Variants in SLFN5 observed in about 807,000 individuals in gnomAD.
The protein encoded by SLFN5 is schlafen family member 5.
Under a neutral mutation model 48.5 loss-of-function variants are expected in SLFN5, and 34 were observed. The observed-to-expected ratio is 0.70, with a 90% CI of 0.53 to 0.93. The LOEUF (loss-of-function observed/expected upper bound fraction) is 0.93. SLFN5 is among the 40% of genes least tolerant of loss of function. The pLI is 0.00. For missense variants in SLFN5, 1,006 were observed against 1,071.3 expected, an observed-to-expected ratio of 0.94 and a Z score of 0.85; for synonymous variants, 387 against 396.2, an observed-to-expected ratio of 0.98 and a Z score of 0.28.
Position 35,266,056 on chromosome 17 carries a change from C to T in SLFN5, c.*168C>T. The T allele has an allele frequency of 1.5e-6, 1 of 683,776 alleles. No individual in the cohort carries two copies. Among genetic ancestry groups the T allele is most frequent in the Non-Finnish European group, 2.4e-6 (1 of 423,398 alleles). 42.4% of individuals were successfully genotyped at this position (683,776 alleles called of 1,614,324 possible). ...TAAGATTCCTCCTTTAGGGCAGAGACAGACCACTGACAAATACACAGATAG... is the reference window on the plus strand; with the variant it reads ...TAAGATTCCTCCTTTAGGGCAGAGATAGACCACTGACAAATACACAGATAG... On this transcript the variant is annotated 3_prime_UTR_variant, in exon 5 of 5. Coordinates refer to ENST00000299977, the MANE Select transcript of SLFN5 (RefSeq NM_144975.4).
chr17:35,253,359 ACTCT>A (rs57385773), intron 1 of SLFN5, among the ~76,000 whole-genome samples: 1 of 149,934 alleles, frequency 6.7e-6, no homozygotes, highest in African/African-American at 2.5e-5. Context: ...ACTGTATAGC[ACTCT>A]CTCTCTCTCT....
rs745817019 is a variant in SLFN5, at chr17:35,265,299, TC to T, written c.2093del (p.Pro698LeufsTer21). The T allele has an allele frequency of 1.2e-6, 2 of 1,613,868 alleles. No homozygotes were observed. The highest frequency in any genetic ancestry group is 8.5e-7 in the Non-Finnish European group (1 of 1,179,964). ...ACCTATCACTTGAGTTGCAGTGGCC[TC>T]CCCCCTCCCTCAGACCAGTATCCAA... is the stretch of plus-strand genomic sequence containing the variant. ...FQTYHLSCSG[L>X]PPPSDQYPRE... is the part of the protein sequence containing the mutation. On this transcript the variant is annotated frameshift_variant, in exon 5 of 5. Transcript: ENST00000299977. LOFTEE classifies it low-confidence loss of function (END_TRUNC).
intron 1 of SLFN5, among the ~76,000 whole-genome samples, chr17:35,255,672 T>C (rs2092452471): frequency 6.6e-6 from 1 of 152,206 alleles, no homozygotes; most frequent in Non-Finnish European, 1.5e-5. Context: ...ACTCATTTCA[T>C]TTTGGGATAA....
chr17:35,244,240 A>G (rs1342809715), intron 1 of SLFN5, among the ~76,000 whole-genome samples: 1 of 152,124 alleles, frequency 6.6e-6, no homozygotes, highest in Non-Finnish European at 1.5e-5. Flanking sequence ...GCCTCATCGG[A>G]ATTTTCATGG....
rs149681835 is a variant in SLFN5 at position 35,264,424 on chromosome 17, T to A, written c.1380T>A (p.Asp460Glu). 540 of 1,614,190 alleles carry A rather than the reference T, an allele frequency of 3.3e-4. 1 individual carries two copies. The highest frequency in any genetic ancestry group is 4.9e-4 in the Middle Eastern group (3 of 6,062). Residue 460 changes from aspartate (D) to glutamate (E), a missense_variant, in exon 4 of 5, where the codon GAT becomes GAA. Asp to Glu is a conservative substitution (Grantham distance 45). Transcript: ENST00000299977. Reference sequence around the variant, plus strand: ...TCTACACCATCTTCAGCAAGTGGGATGCGGGGTGCAAGGGCTATTCTATGA... The same window carrying A: ...TCTACACCATCTTCAGCAAGTGGGAAGCGGGGTGCAAGGGCTATTCTATGA... ...PILYTIFSKW[D>E]AGCKGYSMIV...
Position 35,264,293 on chromosome 17 carries a change from G to A in SLFN5, c.1249G>A (p.Gly417Arg), listed in dbSNP as rs1904608600. The change falls in exon 4 of 5, where the codon GGA becomes AGA. Residue 417 changes from glycine to arginine, a missense_variant. Gly to Arg is a moderately radical substitution (Grantham distance 125). Transcript: ENST00000299977. Reference protein sequence around the residue: ...INTEMRPFSQGILIFSQSWAV... With the variant: ...INTEMRPFSQRILIFSQSWAV... ...TACAGAAATGCGCCCTTTCTCTCAAGGAATATTGATTTTTTCTCAAAGCTG... is the reference window on the plus strand; with the variant it reads ...TACAGAAATGCGCCCTTTCTCTCAAAGAATATTGATTTTTTCTCAAAGCTG... 1 of 1,613,988 alleles carries A rather than the reference G, an allele frequency of 6.2e-7. No homozygotes were observed. The highest frequency in any genetic ancestry group is 1.1e-5 in the South Asian group (1 of 91,086).
At chr17:35,259,772 G>A in intron 2 of SLFN5, 70 bp downstream of exon 2, 1 of 1,525,616 alleles carries the variant, frequency 6.6e-7, no homozygotes, top group Non-Finnish European at 8.8e-7. Context: ...AGAGAGGAAA[G>A]AGGGATATGG....
intron 1 of SLFN5, among the ~76,000 whole-genome samples, chr17:35,248,403 AAAC>A (rs1031742435): frequency 3.9e-5 from 6 of 152,172 alleles, no homozygotes; most frequent in Non-Finnish European, 7.3e-5. Context: ...TGACACACTT[AAAC>A]AACAACAAAC....
intron 1 of SLFN5, among the ~76,000 whole-genome samples, chr17:35,251,020 G>A (rs953308708): frequency 6.6e-6 from 1 of 152,142 alleles, no homozygotes; most frequent in African/African-American, 2.4e-5. Flanking sequence ...TGAAATTGGA[G>A]CACCTCTTTA....
At position 35,272,072 on chromosome 17, in the gene SLFN5, T is replaced by C. The variant is rs1442399638; in HGVS notation, c.*6184T>C. 1.3e-5 allele frequency: 2 copies of C among 151,648 alleles called. No individual in the cohort carries two copies. Among genetic ancestry groups the C allele is most frequent in the Non-Finnish European group, 1.5e-5 (1 of 67,930 alleles). 9.4% of individuals were successfully genotyped at this position (151,648 alleles called of 1,614,324 possible). ...TATTGGAAACTACGAGGCAAGAATA[T>C]CCAAGAAAAATCTAGAAAAGAAGAA... On this transcript the variant is annotated 3_prime_UTR_variant, in exon 5 of 5. Transcript: ENST00000299977.
At chr17:35,255,010 C>G (rs2092451095) in intron 1 of SLFN5, among the ~76,000 whole-genome samples, 1 of 152,070 alleles carries the variant, frequency 6.6e-6, no homozygotes, top group African/African-American at 2.4e-5. Flanking sequence ...GAGCGAGGCT[C>G]TGTCTCAAAA....
At chr17:35,256,317 C>A (rs546308639) in intron 1 of SLFN5, among the ~76,000 whole-genome samples, 1 of 152,272 alleles carries the variant, frequency 6.6e-6, no homozygotes, top group East Asian at 1.9e-4. Flanking sequence ...CGAGATCACA[C>A]CACTGCACTC....
At chr17:35,260,064 T>A (rs1229932735) in intron 2 of SLFN5, among the ~76,000 whole-genome samples, 2 of 152,366 alleles carry the variant, frequency 1.3e-5, no homozygotes, top group East Asian at 1.9e-4. Flanking sequence ...AATTTCTTTT[T>A]TTCACATGTA....
intron 1 of SLFN5, among the ~76,000 whole-genome samples, chr17:35,245,626 G>A (rs2092428876): frequency 6.6e-6 from 1 of 152,186 alleles, no homozygotes; most frequent in African/African-American, 2.4e-5. Flanking sequence ...CAGCATCATT[G>A]TTTTCAGATT....
intron 1 of SLFN5, among the ~76,000 whole-genome samples, chr17:35,253,130 C>T: frequency 6.6e-6 from 1 of 151,980 alleles, no homozygotes; most frequent in East Asian, 1.9e-4. Context: ...GGTGCCTTCT[C>T]ACTGGGTCCT....
In SLFN5 at chr17:35,268,117, C is replaced by T. The variant is rs1050127500; in HGVS notation, c.*2229C>T. On this transcript the variant is annotated 3_prime_UTR_variant, in exon 5 of 5. Transcript: ENST00000299977. ...GAAACCAGGTTAACAGCGAGGGCCT[C>T]ATCTCACACCAGATCATATCAGGCT... is the stretch of plus-strand genomic sequence containing the variant. The T allele has an allele frequency of 6.6e-6, 1 of 152,164 alleles. No individual in the cohort carries two copies. Among genetic ancestry groups the T allele is most frequent in the Non-Finnish European group, 1.5e-5 (1 of 68,066 alleles). 9.4% of individuals were successfully genotyped at this position (152,164 alleles called of 1,614,324 possible).
chr17:35,258,222 C>T (rs1371976349), intron 1 of SLFN5, among the ~76,000 whole-genome samples: 1 of 152,080 alleles, frequency 6.6e-6, no homozygotes, highest in Admixed American at 6.6e-5. Flanking sequence ...TAAAGACATA[C>T]CTGAGACTAA....
intron 2 of SLFN5, among the ~76,000 whole-genome samples, chr17:35,260,710 C>CAATA (rs908468743): frequency 3.9e-5 from 6 of 151,936 alleles, no homozygotes; most frequent in Non-Finnish European, 5.9e-5. Flanking sequence ...GAGACTGTTT[C>CAATA]AATAAATAAA....
In SLFN5 at chr17:35,268,888, G is replaced by A. The variant is rs768758420; in HGVS notation, c.*3000G>A. ...GCAGTAAGCTGGGGCAGTCACAGAG[G>A]TGACCTCATCTGTTTCCCACATCCT... On this transcript the variant is annotated 3_prime_UTR_variant, in exon 5 of 5. Transcript: ENST00000299977. The A allele has an allele frequency of 6.6e-6, 1 of 152,234 alleles. No individual in the cohort carries two copies. The highest frequency in any genetic ancestry group is 2.4e-5 in the African/African-American group (1 of 41,448). The allele number at this position is 152,234 out of a possible 1,614,324, so 9.4% of individuals were successfully genotyped here.
Sources: allele counts gnomAD v4.1 joint callset (sites outside exome capture counted in the v4.1 genomes callset), GRCh38; gene constraint gnomAD v4.1.1; transcripts MANE v1.5; gene names NCBI Gene and HGNC (gene_info 2026-07-23, HGNC 2026-07-21).